Variants in NCAPH observed in about 807,000 individuals in gnomAD.
NCAPH encodes non-SMC condensin I complex subunit H.
A neutral mutation model predicts 85.5 loss-of-function variants in NCAPH; 38 were observed. The ratio of observed to expected loss-of-function variants is 0.44; its 90% CI spans 0.34 to 0.58. NCAPH has a LOEUF of 0.58. Ranked by LOEUF, NCAPH falls within the 20% of genes least tolerant of loss-of-function variation. The pLI is 0.01. For missense variants in NCAPH, 789 were observed against 916.6 expected (o/e 0.86, Z 1.80); for synonymous variants, 301 against 335.1 (o/e 0.90, Z 1.11).
At chr2:96,355,626 TTTG>T (rs1278573062) in intron 9 of NCAPH, among the ~76,000 whole-genome samples, 2 of 151,930 alleles carry the variant, frequency 1.3e-5, no homozygotes, top group African/African-American at 2.4e-5. Flanking sequence ...TCGTGTCTTT[TTTG>T]TTTTTATGTT....
At chr2:96,353,574 A>C (rs953011812) in intron 8 of NCAPH, among the ~76,000 whole-genome samples, 177 bp downstream of exon 8, 1 of 152,220 alleles carries the variant, frequency 6.6e-6, no homozygotes, top group African/African-American at 2.4e-5. Flanking sequence ...TGTGAACCCC[A>C]GCAGGACTAT....
intron 7 of NCAPH, among the ~76,000 whole-genome samples, chr2:96,352,601 G>A (rs748591538): frequency 1.3e-5 from 2 of 152,200 alleles, no homozygotes; most frequent in African/African-American, 2.4e-5. Context: ...CAGCAGGTAG[G>A]GAGGCCAGGT....
At chr2:96,369,304 C>A in intron 16 of NCAPH, 121 bp from the exon 17 acceptor site, 1 of 921,400 alleles carries the variant, frequency 1.1e-6, no homozygotes, top group Non-Finnish European at 1.7e-6. Flanking sequence ...TTATAAAATG[C>A]ATCTGAAAGA....
At chr2:96,335,900 A>G in intron 1 of NCAPH, 52 bp downstream of exon 1, 1 of 1,421,186 alleles carries the variant, frequency 7.0e-7, no homozygotes. Flanking sequence ...GCGAAGCAGT[A>G]CTTCGGGCGG....
intron 15 of NCAPH, among the ~76,000 whole-genome samples, chr2:96,368,637 C>CA (rs2064730812): frequency 6.6e-6 from 1 of 152,012 alleles, no homozygotes; most frequent in Non-Finnish European, 1.5e-5. Context: ...AGCCTGGCGA[C>CA]AGAGCGAGAC....
At chr2:96,354,155 A>AT in intron 8 of NCAPH, 28 bp from the exon 9 acceptor site, 32 of 1,604,406 alleles carry the variant, frequency 2.0e-5, no homozygotes, top group Non-Finnish European at 2.5e-5. Flanking sequence ...AGGAATGAGA[A>AT]TTACAGAACC....
intron 9 of NCAPH, among the ~76,000 whole-genome samples, chr2:96,357,444 G>A (rs2064539660): frequency 6.6e-6 from 1 of 152,158 alleles, no homozygotes; most frequent in Non-Finnish European, 1.5e-5. Context: ...AAGAATTATT[G>A]AATTACTACA....
intron 6 of NCAPH, among the ~76,000 whole-genome samples, chr2:96,348,338 C>T (rs1205075201): frequency 3.3e-5 from 5 of 151,742 alleles, no homozygotes; most frequent in African/African-American, 7.3e-5. Flanking sequence ...TACAGGCACC[C>T]GCCACCATGC....
chr2:96,354,448 TTTTCTTTTTTTTCTA>T, intron 9 of NCAPH, 60 bp downstream of exon 9: 1 of 1,305,526 alleles, frequency 7.7e-7, no homozygotes, highest in Non-Finnish European at 1.0e-6. Context: ...TCTTTTTTCT[TTTTCTTTTTTTTCTA>T]ATTAAAAAAT....
At chr2:96,345,246 A>G (rs2064347301) in intron 6 of NCAPH, among the ~76,000 whole-genome samples, 1 of 152,186 alleles carries the variant, frequency 6.6e-6, no homozygotes, top group African/African-American at 2.4e-5. Flanking sequence ...GAGGCCACTA[A>G]TGAGCTTGGA....
rs990943231 is a variant in NCAPH at position 96,351,830 on chromosome 2, G to C, written c.721-1G>C. ...TCAGTTTCTTCTCTCTCTGTGTTCAGATTGATCCCATGTTTCAGAAGACAG... is the reference window on the plus strand; with the variant it reads ...TCAGTTTCTTCTCTCTCTGTGTTCACATTGATCCCATGTTTCAGAAGACAG... On this transcript the variant is annotated splice_acceptor_variant, in intron 6 of 17. Coordinates refer to ENST00000240423, the MANE Select transcript of NCAPH (RefSeq NM_015341.5). LOFTEE classifies it high-confidence loss of function. The C allele has an allele frequency of 6.3e-7, 1 of 1,596,600 alleles. No homozygotes were observed. The highest frequency in any genetic ancestry group is 8.5e-7 in the Non-Finnish European group (1 of 1,173,026).
chr2:96,365,839 A>C, intron 13 of NCAPH, 37 bp from the exon 14 acceptor site: 1 of 1,609,584 alleles, frequency 6.2e-7, no homozygotes, highest in Non-Finnish European at 8.5e-7. Flanking sequence ...GCTCCTCTGC[A>C]GCGTCCACCA....
chr2:96,366,177 C>T (rs906766149), intron 14 of NCAPH, 119 bp downstream of exon 14: 14 of 1,171,678 alleles, frequency 1.2e-5, no homozygotes, highest in Non-Finnish European at 1.4e-5. Flanking sequence ...ACCTGTTGCT[C>T]TCCAAGTTTT....
At position 96,357,970 on chromosome 2, in the gene NCAPH, T is replaced by C. The variant is rs535629389; in HGVS notation, c.1209-1075T>C. 1.4e-4 allele frequency among the ~76,000 whole-genome samples: 21 copies of C among 152,254 alleles called. No individual in the cohort carries two copies. The East Asian group carries it at 3.1e-3, about 22-fold the overall frequency. On this transcript the variant is annotated intron_variant, in intron 9 of 17. Transcript: ENST00000240423. The stretch of plus-strand genomic sequence containing the variant: ...GCCCTTTAGGAGAAAGCTTGTACCT[T>C]GTGGAAAGAGTGAAAAATGGCTGGG...
rs142888514 is a variant in NCAPH, at chr2:96,370,251, G to A, written c.2166+751G>A. Among the ~76,000 whole-genome samples the A allele has an allele frequency of 3.5e-3, 533 of 152,360 alleles. 1 individual carries two copies. The highest frequency in any genetic ancestry group is 6.0e-3 in the Non-Finnish European group (405 of 68,032). On this transcript the variant is annotated intron_variant, in intron 17 of 17. Coordinates refer to ENST00000240423, the MANE Select transcript of NCAPH (RefSeq NM_015341.5). ...AGAGGGCTATGGGCTGGGCCATGGCGTGTGCGGCAAGCACCACCCTGGGGC... is the reference window on the plus strand; with the variant it reads ...AGAGGGCTATGGGCTGGGCCATGGCATGTGCGGCAAGCACCACCCTGGGGC...
At chr2:96,335,953 T>C (rs2064206850) in intron 1 of NCAPH, 105 bp downstream of exon 1, 1 of 1,211,594 alleles carries the variant, frequency 8.3e-7, no homozygotes, top group Non-Finnish European at 1.1e-6. Flanking sequence ...GAGGATATGC[T>C]CAGCTCGGGT....
chr2:96,339,779 C>T (rs2064266230), intron 1 of NCAPH, among the ~76,000 whole-genome samples: 1 of 152,062 alleles, frequency 6.6e-6, no homozygotes, highest in Non-Finnish European at 1.5e-5. Flanking sequence ...TCTCAGTCCT[C>T]ATCTACATAG....
At chr2:96,350,931 C>T (rs1390927070) in intron 6 of NCAPH, among the ~76,000 whole-genome samples, 1 of 152,202 alleles carries the variant, frequency 6.6e-6, no homozygotes, top group Non-Finnish European at 1.5e-5. Context: ...GTGTGTGATT[C>T]ACCCTGTCCC....
At chr2:96,361,585 G>C (rs1049653589) in intron 12 of NCAPH, among the ~76,000 whole-genome samples, 2 of 151,596 alleles carry the variant, frequency 1.3e-5, no homozygotes, top group African/African-American at 4.9e-5. Flanking sequence ...TTTGCCTGGG[G>C]CTCTTCTCAC....
Sources: allele counts gnomAD v4.1 joint callset (sites outside exome capture counted in the v4.1 genomes callset), GRCh38; gene constraint gnomAD v4.1.1; transcripts MANE v1.5; gene names NCBI Gene and HGNC (gene_info 2026-07-23, HGNC 2026-07-21).